PCDH7: variants seen among roughly 807,000 people sequenced by gnomAD.
The protein encoded by PCDH7 is protocadherin-7.
PCDH7 carries 17 observed loss-of-function variants against 58.9 expected under a neutral mutation model. The ratio of observed to expected loss-of-function variants is 0.29; its 90% CI spans 0.20 to 0.43. The LOEUF is 0.43. Ranked by LOEUF, PCDH7 falls within the 20% of genes least tolerant of loss-of-function variation. The probability of loss-of-function intolerance (pLI) is 1.00; values close to 1 mark genes in which losing one functional copy is unlikely to be tolerated. For missense variants in PCDH7, 1,274 were observed against 1,441.0 expected (o/e 0.88, Z 1.88); for synonymous variants, 664 against 616.4 (o/e 1.08, Z -1.14).
At chr4:30,995,738 C>T (rs868293702) in intron 3 of PCDH7, among the ~76,000 whole-genome samples, 1 of 152,230 alleles carries the variant, frequency 6.6e-6, no homozygotes, top group Middle Eastern at 3.4e-3. Context: ...CCTTTTTCAG[C>T]TTCTGAAGGC....
chr4:30,833,790 A>C (rs1324429233), intron 1 of PCDH7, among the ~76,000 whole-genome samples: 1 of 152,244 alleles, frequency 6.6e-6, no homozygotes, highest in Non-Finnish European at 1.5e-5. Flanking sequence ...TACATGCACT[A>C]TGTGCCATGA....
chr4:31,070,598 G>T (rs1285940235), intron 3 of PCDH7, among the ~76,000 whole-genome samples: 1 of 152,002 alleles, frequency 6.6e-6, no homozygotes. Flanking sequence ...TATATAAGTT[G>T]TGTTAACAAA....
chr4:30,768,707 C>G (rs1246729193), intron 1 of PCDH7, among the ~76,000 whole-genome samples: 1 of 152,114 alleles, frequency 6.6e-6, no homozygotes, highest in Admixed American at 6.5e-5. Flanking sequence ...CATTTTCTGT[C>G]TTATCCATGA....
At chr4:30,970,849 A>G (rs1473494453) in intron 3 of PCDH7, among the ~76,000 whole-genome samples, 4 of 152,172 alleles carry the variant, frequency 2.6e-5, no homozygotes, top group Non-Finnish European at 5.9e-5. Context: ...TTCAGATGCA[A>G]TTCTGTGAAG....
intron 3 of PCDH7, among the ~76,000 whole-genome samples, chr4:30,983,800 T>A (rs1483095464): frequency 1.3e-5 from 2 of 152,202 alleles, no homozygotes; most frequent in Non-Finnish European, 2.9e-5. Context: ...CTGAAACTAA[T>A]TAATGTGGCT....
intron 3 of PCDH7, among the ~76,000 whole-genome samples, chr4:31,060,034 C>A (rs527745624): frequency 6.6e-6 from 1 of 151,700 alleles, no homozygotes; most frequent in Non-Finnish European, 1.5e-5. Flanking sequence ...GTCAGAGATA[C>A]CAGACCAAAG....
chr4:30,721,687 C>A lies in PCDH7; in HGVS notation c.265C>A (p.Arg89=), dbSNP rs754380524. Reference sequence around the variant, plus strand: ...CACTGGCGAGCTGAGCACGAGCGAGCGGCGCATCGACCGCGAGAAGCTGCC... The same window carrying A: ...CACTGGCGAGCTGAGCACGAGCGAGAGGCGCATCGACCGCGAGAAGCTGCC... Residue 89 remains arginine (R), a synonymous_variant, in exon 1 of 2, where the codon CGG becomes AGG. Transcript: ENST00000361762. The surrounding 1 kb of genome is among the most constrained non-coding windows in gnomAD (Gnocchi z 6.7). 36 of 1,613,876 alleles carry A rather than the reference C, an allele frequency of 2.2e-5. No individual in the cohort carries two copies. The highest frequency in any genetic ancestry group is 2.7e-5 in the Non-Finnish European group (32 of 1,180,026).
chr4:31,020,775 C>T (rs781381824), intron 3 of PCDH7, among the ~76,000 whole-genome samples: 26 of 152,206 alleles, frequency 1.7e-4, no homozygotes, highest in Non-Finnish European at 3.5e-4. Context: ...GGCCTAATTA[C>T]TACTGTTCAC....
chr4:30,811,709 C>A lies in PCDH7; in HGVS notation c.70+87113C>A, dbSNP rs368201687. Among the ~76,000 whole-genome samples the A allele has an allele frequency of 3.3e-5, 5 of 152,090 alleles. No homozygotes were observed. The East Asian group carries it at 5.8e-4, about 18-fold the overall frequency. ...GTTTTAGTATGTAATATCTTTATGC[C>A]AATATAGTCATAAAATATAATCTGT... On this transcript the variant is annotated intron_variant, in intron 1 of 3. Transcript: ENST00000509759.
chr4:31,061,142 A>G (rs1460171149), intron 3 of PCDH7, among the ~76,000 whole-genome samples: 15 of 151,870 alleles, frequency 9.9e-5, no homozygotes, highest in African/African-American at 3.4e-4. Context: ...GAAATTCTAG[A>G]ACATGTGTAG....
intron 3 of PCDH7, among the ~76,000 whole-genome samples, chr4:30,965,117 A>G (rs1224359850): frequency 6.6e-6 from 1 of 152,236 alleles, no homozygotes; most frequent in Non-Finnish European, 1.5e-5. Context: ...TTATATTCTA[A>G]TACGATTTGC....
chr4:31,063,743 G>A lies in PCDH7; in HGVS notation c.*8-78730G>A, dbSNP rs146839234. Among the ~76,000 whole-genome samples the A allele has an allele frequency of 1.3e-3, 200 of 151,972 alleles. 5 individuals carry two copies. The South Asian group carries it at 0.024, about 18-fold the overall frequency. On this transcript the variant is annotated intron_variant, in intron 3 of 3. Coordinates refer to the PCDH7 transcript ENST00000509759. Reference sequence around the variant, plus strand: ...TTTAAATTTTCTGCCTCATTCTATAGAGTATAATGGTCTCTAAGATTGAAT... The same window carrying A: ...TTTAAATTTTCTGCCTCATTCTATAAAGTATAATGGTCTCTAAGATTGAAT...
intron 3 of PCDH7, among the ~76,000 whole-genome samples, chr4:31,031,468 G>A (rs886541928): frequency 2.0e-5 from 3 of 152,148 alleles, no homozygotes; most frequent in Admixed American, 6.5e-5. Context: ...ATTCTGTGTG[G>A]TCTAGTTTGC....
chr4:30,890,356 A>T (rs1738449647), intron 1 of PCDH7, among the ~76,000 whole-genome samples: 1 of 151,804 alleles, frequency 6.6e-6, no homozygotes, highest in African/African-American at 2.4e-5. Flanking sequence ...CACTTAATAT[A>T]CTTTCATTTT....
At chr4:31,010,891 G>T (rs1006429866) in intron 3 of PCDH7, among the ~76,000 whole-genome samples, 3 of 151,874 alleles carry the variant, frequency 2.0e-5, no homozygotes, top group East Asian at 3.9e-4. Context: ...CATGATAATT[G>T]CAGCCTTTAG....
At chr4:30,968,249 A>G (rs1277480811) in intron 3 of PCDH7, among the ~76,000 whole-genome samples, 2 of 147,708 alleles carry the variant, frequency 1.4e-5, no homozygotes, top group Admixed American at 1.4e-4. Context: ...TTCAAGATGC[A>G]GTGAGAAGGA....
At position 30,722,737 on chromosome 4, in the gene PCDH7, G is replaced by C. The variant is rs766623156; in HGVS notation, c.1315G>C (p.Asp439His). The C allele has an allele frequency of 1.2e-6, 2 of 1,613,480 alleles. No individual in the cohort carries two copies. Among genetic ancestry groups the C allele is most frequent in the Non-Finnish European group, 1.7e-6 (2 of 1,180,006 alleles). The change falls in exon 1 of 2, where the codon GAC (aspartate) becomes CAC (histidine). Residue 439 changes from aspartate (D) to histidine (H), a missense_variant. Physicochemically the swap from Asp to His is moderately conservative, Grantham distance 81. Around this residue, in one of 3 missense-constraint regions of PCDH7, gnomAD observed 731 missense variants for 881.9 expected, o/e 0.83. Transcript: ENST00000361762. This position sits in a 1 kb window ranked among gnomAD's most constrained non-coding sequence, Gnocchi z 7.6. ...CAACGTGGCCGAGGACGTTCTGGTC[G>C]ACACCCCCATCGCTCTGGTGCAGGT...
intron 1 of PCDH7, among the ~76,000 whole-genome samples, chr4:30,880,495 C>T (rs1046551741): frequency 1.3e-5 from 2 of 152,096 alleles, no homozygotes; most frequent in African/African-American, 4.8e-5. Flanking sequence ...TAGCACAGCT[C>T]AATATAAACA....
intron 1 of PCDH7, among the ~76,000 whole-genome samples, chr4:30,847,508 C>G (rs1351493482): frequency 6.6e-6 from 1 of 152,130 alleles, no homozygotes; most frequent in Non-Finnish European, 1.5e-5. Flanking sequence ...GTTTGTTTGC[C>G]TTCACATAGA....
Sources: gnomAD v4.1 joint callset for allele counts (sites outside exome capture counted in the v4.1 genomes callset) on GRCh38, gnomAD v4.1.1 for gene constraint, gnomAD v4.1.1 regional missense constraint, Gnocchi (gnomAD v3.1) non-coding constraint, MANE v1.5 for transcripts, NCBI Gene and HGNC (gene_info 2026-07-23, HGNC 2026-07-21) for gene names.